NLGN4X: variants seen among roughly 807,000 people sequenced by gnomAD.
NLGN4X encodes neuroligin-4, X-linked.
A neutral mutation model predicts 40.3 loss-of-function variants in NLGN4X; 3 were observed. The ratio of observed to expected loss-of-function variants is 0.07; its 90% CI spans 0.03 to 0.19. The LOEUF is 0.19. Ranked by LOEUF, NLGN4X falls within the 10% of genes least tolerant of loss-of-function variation. The probability of loss-of-function intolerance (pLI) is 1.00; values close to 1 mark genes in which losing one functional copy is unlikely to be tolerated. For missense variants in NLGN4X, 382 were observed against 708.3 expected (o/e 0.54, Z 5.23); for synonymous variants, 270 against 306.8 (o/e 0.88, Z 1.25).
chrX:6,025,463 A>G (rs1419395749), intron 3 of NLGN4X, among the ~76,000 whole-genome samples: 1 of 112,271 alleles, frequency 8.9e-6, no homozygotes, highest in Non-Finnish European at 1.9e-5. Flanking sequence ...TGGGTCAGCT[A>G]CAATTCTTAC....
intron 2 of NLGN4X, among the ~76,000 whole-genome samples, chrX:6,133,108 A>AACCATC (rs372132448): frequency 9.4e-6 from 1 of 106,270 alleles, no homozygotes; most frequent in Non-Finnish European, 2.0e-5. Flanking sequence ...TCATCATCAT[A>AACCATC]ACCATCACCA....
chrX:6,221,908 G>A (rs977875953), intron 1 of NLGN4X, among the ~76,000 whole-genome samples: 2 of 111,271 alleles, frequency 1.8e-5, no homozygotes, highest in East Asian at 2.8e-4. Flanking sequence ...AAATGGCACC[G>A]CATGCAACTT....
intron 2 of NLGN4X, among the ~76,000 whole-genome samples, chrX:6,078,676 C>T (rs1380351628): frequency 2.7e-5 from 3 of 110,492 alleles, no homozygotes; most frequent in Non-Finnish European, 5.7e-5. Context: ...AATTAAACTA[C>T]AATACTGATA....
chrX:6,096,470 T>G (rs948976103), intron 2 of NLGN4X, among the ~76,000 whole-genome samples: 1 of 111,611 alleles, frequency 9.0e-6, no homozygotes, highest in Non-Finnish European at 1.9e-5. Flanking sequence ...CTTTAGAATA[T>G]GCACCTTTAA....
At chrX:6,148,042 GA>G (rs781568528) in intron 2 of NLGN4X, among the ~76,000 whole-genome samples, 51 of 111,313 alleles carry the variant, frequency 4.6e-4, no homozygotes, top group African/African-American at 1.6e-3. Context: ...GTTTTCTACA[GA>G]AAAAAAATAT....
At chrX:6,029,509 G>A (rs1029038755) in intron 2 of NLGN4X, 77 bp from the exon 3 acceptor site, 36 of 997,346 alleles carry the variant, frequency 3.6e-5, no homozygotes, top group Non-Finnish European at 5.0e-5. Context: ...GAAAAAAGGA[G>A]ATTCACTGAT....
chrX:6,057,469 T>A (rs1160612557), intron 2 of NLGN4X, among the ~76,000 whole-genome samples: 4 of 112,077 alleles, frequency 3.6e-5, no homozygotes, highest in Non-Finnish European at 3.8e-5. Flanking sequence ...GAGGCTTGAA[T>A]CATTTAGATT....
At chrX:6,115,679 A>G (rs1160764480) in intron 2 of NLGN4X, among the ~76,000 whole-genome samples, 1 of 112,083 alleles carries the variant, frequency 8.9e-6, no homozygotes, top group Non-Finnish European at 1.9e-5. Flanking sequence ...TGGAGGCAAA[A>G]AACACATAGA....
intron 1 of NLGN4X, among the ~76,000 whole-genome samples, chrX:6,225,011 TACACACACACACAC>T (rs1380311869): frequency 2.0e-5 from 1 of 49,537 alleles, no homozygotes; most frequent in African/African-American, 7.4e-5. Flanking sequence ...TATATATATA[TACACACACACACAC>T]ATATATGTAG....
At chrX:6,110,690 A>G (rs1234627857) in intron 2 of NLGN4X, among the ~76,000 whole-genome samples, 1 of 111,900 alleles carries the variant, frequency 8.9e-6, no homozygotes, top group Non-Finnish European at 1.9e-5. Flanking sequence ...GGAAAGAGAA[A>G]GAAATGCAGT....
At chrX:6,014,989 C>T (rs1442620338) in intron 3 of NLGN4X, among the ~76,000 whole-genome samples, 1 of 111,912 alleles carries the variant, frequency 8.9e-6, no homozygotes, top group Admixed American at 9.5e-5. Context: ...TGGATCACTC[C>T]CTCACATCAG....
chrX:6,034,059 G>T (rs1300034912), intron 2 of NLGN4X, among the ~76,000 whole-genome samples: 2 of 112,267 alleles, frequency 1.8e-5, no homozygotes, highest in Non-Finnish European at 3.8e-5. Context: ...TTGAAACCAA[G>T]ACTTGATAAT....
Position 6,082,965 on chromosome X carries a change from TTTTTTTTTTTTTGA to T in NLGN4X, c.473-53547_473-53534del, listed in dbSNP as rs1394470134. ...CATGATGCGTTTTTTTCTTTTTTTT[TTTTTTTTTTTTTGA>T]GACGGAGTCTCGCTGTCGCCCAGGC... On this transcript the variant is annotated intron_variant, in intron 2 of 5. Transcript: ENST00000381095. 4.3e-3 allele frequency among the ~76,000 whole-genome samples: 387 copies of T among 89,791 alleles called. 2 individuals are homozygous for T. Among genetic ancestry groups the T allele is most frequent in the African/African-American group, 0.015 (362 of 24,401 alleles). The allele number at this position is 89,791 out of a possible 115,157, so 78.0% of individuals were successfully genotyped here.
rs1338713224 is a variant in NLGN4X at position 5,946,795 on chromosome X, A to T, written c.626-37556T>A. On this transcript the variant is annotated intron_variant, in intron 3 of 5. Transcript: ENST00000381095. ...TCATGACCCAGGTACTAAGCCAAGT[A>T]CTCAATAGTTATTTTTCCTGATCCT... Among the ~76,000 whole-genome samples, 3 of 110,713 alleles carry T rather than the reference A, an allele frequency of 2.7e-5. No individual in the cohort carries two copies. The Admixed American group carries it at 2.9e-4, about 11-fold the overall frequency.
chrX:6,172,606 T>A (rs2040631947), intron 1 of NLGN4X, among the ~76,000 whole-genome samples: 1 of 112,121 alleles, frequency 8.9e-6, no homozygotes, highest in Non-Finnish European at 1.9e-5. Context: ...AGAAATTTTG[T>A]CTCTTGTTTT....
chrX:5,910,399 T>G (rs1169888808), intron 3 of NLGN4X, among the ~76,000 whole-genome samples: 1 of 111,188 alleles, frequency 9.0e-6, no homozygotes, highest in African/African-American at 3.3e-5. Flanking sequence ...TTGCCCCTTC[T>G]ATACAATTTC....
chrX:6,123,073 G>A (rs760341617), intron 2 of NLGN4X, among the ~76,000 whole-genome samples: 3 of 109,852 alleles, frequency 2.7e-5, no homozygotes, highest in Non-Finnish European at 5.7e-5. Flanking sequence ...ACATTAGACA[G>A]AAAGGCTGAG....
chrX:6,074,950 T>C (rs1445515758), intron 2 of NLGN4X, among the ~76,000 whole-genome samples: 1 of 111,758 alleles, frequency 8.9e-6, no homozygotes, highest in East Asian at 2.8e-4. Flanking sequence ...ATTATTTATA[T>C]TGATTCATGG....
At chrX:6,063,789 G>C (rs867357069) in intron 2 of NLGN4X, among the ~76,000 whole-genome samples, 14 of 111,959 alleles carry the variant, frequency 1.3e-4, no homozygotes, top group Middle Eastern at 4.6e-3. Flanking sequence ...TCAAATTTTG[G>C]GGTTGGTTGA....
Sources: allele counts gnomAD v4.1 joint callset (sites outside exome capture counted in the v4.1 genomes callset), GRCh38; gene constraint gnomAD v4.1.1; transcripts MANE v1.5; gene names NCBI Gene and HGNC (gene_info 2026-07-23, HGNC 2026-07-21).